The following DPT variants were observed in gnomAD, a reference collection of about 807,000 sequenced individuals.
The protein encoded by DPT is dermatopontin.
In DPT, 21 loss-of-function variants were observed where a neutral mutation model predicts 31.2. The ratio of observed to expected loss-of-function variants is 0.67; its 90% CI spans 0.48 to 0.97. The LOEUF (loss-of-function observed/expected upper bound fraction) is 0.97, where lower values mean the gene tolerates loss of function less well. DPT is among the 50% of genes least tolerant of loss of function. The probability of loss-of-function intolerance (pLI) is 0.00; values close to 1 mark genes in which losing one functional copy is unlikely to be tolerated. For missense variants in DPT, 262 were observed against 258.8 expected, an observed-to-expected ratio of 1.01 and a Z score of -0.08; for synonymous variants, 91 against 86.9, an observed-to-expected ratio of 1.05 and a Z score of -0.26.
chr1:168,711,538 C>T (rs1376477495), intron 2 of DPT, among the ~76,000 whole-genome samples: 1 of 152,234 alleles, frequency 6.6e-6, no homozygotes, highest in African/African-American at 2.4e-5. Context: ...TTACTCCTCT[C>T]TGCCTGGGGA....
intron 2 of DPT, among the ~76,000 whole-genome samples, chr1:168,706,300 C>T (rs1649715063): frequency 6.6e-6 from 1 of 152,144 alleles, no homozygotes; most frequent in African/African-American, 2.4e-5. Context: ...AAAGATGTCC[C>T]TTTCTGACAG....
intron 2 of DPT, among the ~76,000 whole-genome samples, chr1:168,711,344 A>T (rs2101905040): frequency 1.3e-5 from 2 of 152,176 alleles, no homozygotes; most frequent in Middle Eastern, 3.4e-3. Flanking sequence ...AAAACCAGTG[A>T]GCCTTAGCTC....
chr1:168,704,518 G>A (rs1349907453), intron 2 of DPT, among the ~76,000 whole-genome samples: 1 of 152,258 alleles, frequency 6.6e-6, no homozygotes, highest in East Asian at 1.9e-4. Context: ...CTGCACTCCA[G>A]CCCGGGCGAC....
chr1:168,707,688 T>A (rs959149873), intron 2 of DPT, among the ~76,000 whole-genome samples: 2 of 152,164 alleles, frequency 1.3e-5, no homozygotes, highest in Non-Finnish European at 2.9e-5. Flanking sequence ...AAGAGGACGG[T>A]CACTCTCATG....
chr1:168,709,115 A>G (rs2101903680), intron 2 of DPT, among the ~76,000 whole-genome samples: 1 of 152,358 alleles, frequency 6.6e-6, no homozygotes, highest in Non-Finnish European at 1.5e-5. Flanking sequence ...TTACAGTCAA[A>G]AGATATTATC....
chr1:168,701,244 G>A (rs1187729568), intron 2 of DPT, 120 bp from the exon 3 acceptor site: 1 of 763,416 alleles, frequency 1.3e-6, no homozygotes, highest in African/African-American at 1.7e-5. Context: ...CCAGACTGAA[G>A]TTAAATGACA....
rs994619726 is a variant in DPT, at chr1:168,701,130, C to T, written c.432-6G>A. On this transcript the variant is annotated splice_region_variant and splice_polypyrimidine_tract_variant and intron_variant, in intron 2 of 3. Coordinates refer to ENST00000367817, the MANE Select transcript of DPT (RefSeq NM_001937.5). The stretch of plus-strand genomic sequence containing the variant: ...CTGGATATTCTGTTGTTAGCCTATG[C>T]AGGAAGAACAAAGGTTAGAGGAAAA... The T allele has an allele frequency of 6.3e-7, 1 of 1,596,518 alleles. No homozygotes were observed. The highest frequency in any genetic ancestry group is 1.7e-5 in the Admixed American group (1 of 59,892).
chr1:168,696,399 C>T lies in DPT; in HGVS notation c.*150G>A. On this transcript the variant is annotated 3_prime_UTR_variant, in exon 4 of 4. Transcript: ENST00000367817. Reference sequence around the variant, plus strand: ...AGAAGTGTGATACTAGTCAGAAAGGCCCAGGAAGTTGGCATTGCAGTTACC... The same window carrying T: ...AGAAGTGTGATACTAGTCAGAAAGGTCCAGGAAGTTGGCATTGCAGTTACC... 4.8e-6 allele frequency: 3 copies of T among 629,500 alleles called. No homozygotes were observed. In the South Asian group the frequency reaches 6.0e-5, roughly 13 times the overall value. The allele number at this position is 629,500 out of a possible 1,614,324, so 39.0% of individuals were successfully genotyped here.
chr1:168,711,176 AAT>A (rs1491093583), intron 2 of DPT, among the ~76,000 whole-genome samples: 3 of 63,888 alleles, frequency 4.7e-5, no homozygotes, highest in East Asian at 2.9e-4. Flanking sequence ...AAGCCTGGCT[AAT>A]TTTTTTTTTT....
intron 2 of DPT, among the ~76,000 whole-genome samples, chr1:168,703,470 A>G (rs991191006): frequency 6.6e-6 from 1 of 152,232 alleles, no homozygotes; most frequent in Non-Finnish European, 1.5e-5. Context: ...TAGTGACCAG[A>G]CATAAGCCCC....
intron 2 of DPT, among the ~76,000 whole-genome samples, chr1:168,709,585 A>T (rs892900239): frequency 6.6e-6 from 1 of 152,258 alleles, no homozygotes; most frequent in Non-Finnish European, 1.5e-5. Flanking sequence ...TGGTTGGATG[A>T]TTTGTTTTTT....
At chr1:168,698,878 G>C (rs1649524087) in intron 3 of DPT, among the ~76,000 whole-genome samples, 1 of 152,186 alleles carries the variant, frequency 6.6e-6, no homozygotes, top group Non-Finnish European at 1.5e-5. Flanking sequence ...TCTTTCAGCA[G>C]AGGAGAAGAA....
At chr1:168,723,878 AAG>A in intron 1 of DPT, among the ~76,000 whole-genome samples, 1 of 152,256 alleles carries the variant, frequency 6.6e-6, no homozygotes, top group East Asian at 1.9e-4. Context: ...AATGCTTGTA[AAG>A]ACAGCACACA....
chr1:168,711,763 A>T (rs139433240), intron 2 of DPT, among the ~76,000 whole-genome samples: 1 of 152,338 alleles, frequency 6.6e-6, no homozygotes, highest in African/African-American at 2.4e-5. Flanking sequence ...CTGTTTCAAG[A>T]CAGGTCAGCT....
Position 168,728,923 on chromosome 1 carries a change from G to A in DPT, c.252C>T (p.Leu84=), listed in dbSNP as rs377722948. The change falls in exon 1 of 4, where the codon CTC becomes CTT. Residue 84 remains leucine, a synonymous_variant. Coordinates refer to ENST00000367817, the MANE Select transcript of DPT (RefSeq NM_001937.5). ...CCCACCAGCACTCCGTGGGTTCCCC[G>A]AGGCTCTGTGGCGTGGGCATGCAGG... is the stretch of plus-strand genomic sequence containing the variant. ...NYACMPTPQS[L]GEPTECWWEE... 246 of 1,614,068 alleles carry A rather than the reference G, an allele frequency of 1.5e-4. No homozygotes were observed. The highest frequency in any genetic ancestry group is 1.8e-4 in the Non-Finnish European group (209 of 1,180,038).
rs550327408 is a variant in DPT, at chr1:168,729,073, G to A, written c.102C>T (p.Ser34=). The change falls in exon 1 of 4, where the codon AGC becomes AGT. Residue 34 remains serine, a synonymous_variant. Coordinates refer to ENST00000367817, the MANE Select transcript of DPT (RefSeq NM_001937.5). The stretch of plus-strand genomic sequence containing the variant: ...GGTTCAAATTCACCCACCCATCATC[G>A]CTGTAGTCATGATACTGCTGGTATG... ...GYPYQQYHDY[S]DDGWVNLNRQ... 30 of 1,614,196 alleles carry A rather than the reference G, an allele frequency of 1.9e-5. No individual in the cohort carries two copies. The highest frequency in any genetic ancestry group is 1.6e-4 in the Middle Eastern group (1 of 6,062).
chr1:168,696,930 A>C (rs1006204683), intron 3 of DPT, among the ~76,000 whole-genome samples: 1 of 152,126 alleles, frequency 6.6e-6, no homozygotes, highest in African/African-American at 2.4e-5. Context: ...CTTGGAATAA[A>C]AGCATTTATT....
At chr1:168,698,302 C>A (rs1291948401) in intron 3 of DPT, among the ~76,000 whole-genome samples, 5 of 152,032 alleles carry the variant, frequency 3.3e-5, no homozygotes, top group African/African-American at 7.2e-5. Context: ...CTGGGTGATA[C>A]CAGGGCCTGG....
chr1:168,698,228 C>T (rs773231637), intron 3 of DPT, among the ~76,000 whole-genome samples: 8 of 152,100 alleles, frequency 5.3e-5, no homozygotes, highest in African/African-American at 1.4e-4. Context: ...TGCTCCGGGT[C>T]GTTTGTTTAG....
Sources: gnomAD v4.1 joint callset for allele counts (sites outside exome capture counted in the v4.1 genomes callset) on GRCh38, gnomAD v4.1.1 for gene constraint, MANE v1.5 for transcripts, NCBI Gene and HGNC (gene_info 2026-07-23, HGNC 2026-07-21) for gene names.